The following PIGU variants were observed in gnomAD, a reference collection of about 807,000 sequenced individuals.
PIGU encodes phosphatidylinositol glycan anchor biosynthesis class U, also known as GPI-anchor transamidase component PIGU.
In PIGU, 24 loss-of-function variants were observed where a neutral mutation model predicts 49.9. The observed-to-expected ratio is 0.48, with a 90% CI of 0.35 to 0.68. PIGU has a LOEUF of 0.68. Ranked by LOEUF, PIGU falls within the 30% of genes least tolerant of loss-of-function variation. The pLI is 0.01. For missense variants in PIGU, 490 were observed against 532.6 expected (o/e 0.92, Z 0.79); for synonymous variants, 220 against 205.7 (o/e 1.07, Z -0.59).
intron 4 of PIGU, among the ~76,000 whole-genome samples, chr20:34,639,097 G>A (rs1600650953): frequency 6.6e-6 from 1 of 152,180 alleles, no homozygotes; most frequent in East Asian, 1.9e-4. Flanking sequence ...TTAAAAGCAT[G>A]TAAAATAATA....
chr20:34,633,814 C>A (rs2146759833), intron 6 of PIGU, among the ~76,000 whole-genome samples: 1 of 152,266 alleles, frequency 6.6e-6, no homozygotes, highest in East Asian at 1.9e-4. Context: ...GGCAATCCAA[C>A]CGCCTTGGCC....
chr20:34,562,803 G>A (rs975644018), intron 11 of PIGU, among the ~76,000 whole-genome samples: 3 of 152,210 alleles, frequency 2.0e-5, no homozygotes, highest in Non-Finnish European at 1.5e-5. Context: ...GCAGCTCCAG[G>A]CTGGCCCACT....
chr20:34,640,479 A>G (rs1348051826), intron 4 of PIGU, among the ~76,000 whole-genome samples: 1 of 145,752 alleles, frequency 6.9e-6, no homozygotes, highest in Non-Finnish European at 1.5e-5. Context: ...TTTTAAAATT[A>G]TACACACATG....
chr20:34,597,699 A>G (rs976634040), intron 7 of PIGU, among the ~76,000 whole-genome samples: 1 of 152,220 alleles, frequency 6.6e-6, no homozygotes, highest in Non-Finnish European at 1.5e-5. Flanking sequence ...GAAAAATAAG[A>G]CTGACTGATG....
intron 11 of PIGU, among the ~76,000 whole-genome samples, chr20:34,573,071 G>T (rs1193611494): frequency 6.6e-6 from 1 of 151,878 alleles, no homozygotes; most frequent in African/African-American, 2.4e-5. Flanking sequence ...GGCTGTTCTT[G>T]AACTCCTAGC....
At chr20:34,603,501 CT>C (rs1469191781) in intron 7 of PIGU, among the ~76,000 whole-genome samples, 1 of 152,000 alleles carries the variant, frequency 6.6e-6, no homozygotes, top group African/African-American at 2.4e-5. Flanking sequence ...AGTAGGTTTC[CT>C]TTTTAGTAAC....
At chr20:34,634,874 G>A (rs965191009) in intron 5 of PIGU, among the ~76,000 whole-genome samples, 159 bp from the exon 6 acceptor site, 21 of 152,198 alleles carry the variant, frequency 1.4e-4, no homozygotes, top group African/African-American at 4.1e-4. Context: ...AGTGGGGGTT[G>A]AGGCTGATAA....
Position 34,638,003 on chromosome 20 carries a change from A to G in PIGU, c.319-18T>C. On this transcript the variant is annotated intron_variant, in intron 4 of 11. Transcript: ENST00000217446. ...TTTTTAAACTAGAAAAAAAAAAAAA[A>G]GGAAAAGATAAAACACATGAAACAA... is the stretch of plus-strand genomic sequence containing the variant. The G allele has an allele frequency of 3.2e-6, 5 of 1,559,924 alleles. No individual in the cohort carries two copies. The highest frequency in any genetic ancestry group is 3.4e-6 in the Non-Finnish European group (4 of 1,164,264).
intron 7 of PIGU, among the ~76,000 whole-genome samples, chr20:34,608,633 CAG>C (rs1984703326): frequency 6.6e-6 from 1 of 152,090 alleles, no homozygotes; most frequent in Non-Finnish European, 1.5e-5. Context: ...GAAAAAAACT[CAG>C]AGAAAAAGAT....
intron 8 of PIGU, among the ~76,000 whole-genome samples, chr20:34,586,644 C>T (rs1568627193): frequency 6.6e-6 from 1 of 152,098 alleles, no homozygotes; most frequent in Admixed American, 6.5e-5. Context: ...ACCGAGTCTT[C>T]GGCACCTATG....
chr20:34,661,767 T>A (rs183061490), intron 1 of PIGU, among the ~76,000 whole-genome samples: 3 of 152,312 alleles, frequency 2.0e-5, no homozygotes, highest in African/African-American at 7.2e-5. Context: ...GCAGTTCTGT[T>A]TTAGGATCTT....
intron 1 of PIGU, among the ~76,000 whole-genome samples, chr20:34,675,780 A>C (rs1455336291): frequency 2.6e-5 from 4 of 152,096 alleles, no homozygotes; most frequent in African/African-American, 7.2e-5. Flanking sequence ...TTGGGAGGCC[A>C]AGTGAGACTG....
chr20:34,654,228 C>T lies in PIGU; in HGVS notation c.195+2952G>A, dbSNP rs1265192263. Among the ~76,000 whole-genome samples, 3 of 104,544 alleles carry T rather than the reference C, an allele frequency of 2.9e-5. 1 individual carries two copies. Among genetic ancestry groups the T allele is most frequent in the Non-Finnish European group, 6.0e-5 (3 of 49,964 alleles). 68.6% of individuals were successfully genotyped at this position (104,544 alleles called of 152,430 possible). ...CTGTAATCCTAGCACTTTGGGAGGC[C>T]GAGGCAGGTGGATCACCTGAGGTCA... is the stretch of plus-strand genomic sequence containing the variant. On this transcript the variant is annotated intron_variant, in intron 2 of 11. Coordinates refer to ENST00000217446, the MANE Select transcript of PIGU (RefSeq NM_080476.5).
rs1982448474 is a variant in PIGU, at chr20:34,560,701, G to GCTGT, written c.*161_*164dup. 12 of 508,346 alleles carry GCTGT rather than the reference G, an allele frequency of 2.4e-5. No homozygotes were observed. Among genetic ancestry groups the GCTGT allele is most frequent in the African/African-American group, 4.0e-5 (2 of 49,996 alleles). 31.5% of individuals were successfully genotyped at this position (508,346 alleles called of 1,614,324 possible). A position where few individuals can be genotyped will look rare whatever the true frequency, so the allele number is the denominator to read the frequency against. ...CTCCCAGTTCTTCCCCATAGGCCTT[G>GCTGT]CTGTCAGTCAGCCATGGGTCCCTTT... On this transcript the variant is annotated 3_prime_UTR_variant, in exon 12 of 12. Transcript: ENST00000217446.
At chr20:34,629,957 C>G (rs1441127035) in intron 6 of PIGU, among the ~76,000 whole-genome samples, 1 of 152,100 alleles carries the variant, frequency 6.6e-6, no homozygotes, top group Non-Finnish European at 1.5e-5. Flanking sequence ...GAATAAATCA[C>G]TTGGTGATGT....
At position 34,657,212 on chromosome 20, in the gene PIGU, C is replaced by G. The variant is rs1267166213; in HGVS notation, c.163G>C (p.Val55Leu). Residue 55 changes from valine to leucine, a missense_variant, in exon 2 of 12, where the codon GTA becomes CTA. Val to Leu is a conservative substitution (Grantham distance 32). Transcript: ENST00000217446. ...VEGLSLLDLG[V>L]SPYSGAVFHE... ...AATACTGCTCCAGAATACGGAGATA[C>G]TCCCAAGTCCAACAGTGAAAGGCCT... 6.2e-7 allele frequency: 1 copy of G among 1,612,886 alleles called. No homozygotes were observed. The highest frequency in any genetic ancestry group is 1.3e-5 in the African/African-American group (1 of 75,008).
intron 7 of PIGU, among the ~76,000 whole-genome samples, chr20:34,598,599 T>C (rs1247688589): frequency 6.6e-6 from 1 of 152,230 alleles, no homozygotes; most frequent in African/African-American, 2.4e-5. Flanking sequence ...ACACAAACTA[T>C]TCTAGAAGCT....
intron 11 of PIGU, among the ~76,000 whole-genome samples, chr20:34,566,046 A>T (rs941966322): frequency 6.6e-6 from 1 of 151,208 alleles, no homozygotes; most frequent in African/African-American, 2.4e-5. Flanking sequence ...ACATACACGC[A>T]CGCTCTCACT....
chr20:34,588,068 A>G (rs1983770510), intron 8 of PIGU, among the ~76,000 whole-genome samples: 3 of 152,144 alleles, frequency 2.0e-5, no homozygotes, highest in African/African-American at 4.8e-5. Context: ...CCTGGCTAAC[A>G]TGGTGAAACC....
Sources: gnomAD v4.1 joint callset for allele counts (sites outside exome capture counted in the v4.1 genomes callset) on GRCh38, gnomAD v4.1.1 for gene constraint, MANE v1.5 for transcripts, NCBI Gene and HGNC (gene_info 2026-07-23, HGNC 2026-07-21) for gene names.